EED: variants seen among roughly 807,000 people sequenced by gnomAD.
EED encodes embryonic ectoderm development.
EED carries 9 observed loss-of-function variants against 61.0 expected under a neutral mutation model. The observed-to-expected ratio is 0.15, with a 90% CI of 0.09 to 0.26. The LOEUF (loss-of-function observed/expected upper bound fraction) is 0.26, where lower values mean the gene tolerates loss of function less well. Among genes scored for constraint, EED ranks in the 10% least tolerant of loss-of-function variants. The pLI, the probability that EED is intolerant of heterozygous loss-of-function variation, is 1.00. For missense variants in EED, 315 were observed against 542.3 expected (o/e 0.58, Z 4.16); for synonymous variants, 187 against 174.4 (o/e 1.07, Z -0.57).
At chr11:86,251,284 C>T (rs942355176) in intron 2 of EED, among the ~76,000 whole-genome samples, 3 of 152,120 alleles carry the variant, frequency 2.0e-5, no homozygotes, top group African/African-American at 7.2e-5. Flanking sequence ...AAATTAATCT[C>T]AGCATATTTT....
downstream of EED, among the ~76,000 whole-genome samples, chr11:86,281,963 T>G (rs1946329169): frequency 6.6e-6 from 1 of 152,240 alleles, no homozygotes; most frequent in African/African-American, 2.4e-5. Flanking sequence ...AAGACAGGGT[T>G]GTTTTTCTTA....
At chr11:86,255,337 A>G (rs759894688) in intron 4 of EED, 50 bp downstream of exon 4, 2 of 1,430,252 alleles carry the variant, frequency 1.4e-6, no homozygotes, top group Admixed American at 3.8e-5. Flanking sequence ...ATTTATTTTC[A>G]ATAAGTGCAC....
chr11:86,268,293 T>C, intron 8 of EED, 163 bp from the exon 9 acceptor site: 1 of 488,608 alleles, frequency 2.0e-6, no homozygotes, highest in Non-Finnish European at 3.6e-6. Flanking sequence ...AATGAGACTT[T>C]AGCTTTCAAT....
chr11:86,281,127 G>A (rs1946318773), downstream of EED, among the ~76,000 whole-genome samples: 1 of 152,202 alleles, frequency 6.6e-6, no homozygotes, highest in South Asian at 2.1e-4. Flanking sequence ...GTTTCTGCTA[G>A]TGTCCTTGGT....
downstream of EED, among the ~76,000 whole-genome samples, chr11:86,282,635 G>C (rs1375200675): frequency 6.6e-6 from 1 of 152,086 alleles, no homozygotes; most frequent in Non-Finnish European, 1.5e-5. Flanking sequence ...ACATATGGTA[G>C]TACCCATTCC....
the EED span, chr11:86,284,382 AG>A: frequency 6.6e-6 from 1 of 152,286 alleles, no homozygotes; most frequent in Non-Finnish European, 1.5e-5. Context: ...ATAACCTGTG[AG>A]TTCTCCACAT....
In EED at chr11:86,244,813, G is replaced by C. The variant is rs1737212484; in HGVS notation, c.-417G>C. 1 of 239,092 alleles carries C rather than the reference G, an allele frequency of 4.2e-6. No homozygotes were observed. Among genetic ancestry groups the C allele is most frequent in the African/African-American group, 2.2e-5 (1 of 45,146 alleles). The allele number at this position is 239,092 out of a possible 1,614,324, so 14.8% of individuals were successfully genotyped here. A position where few individuals can be genotyped will look rare whatever the true frequency, so the allele number is the denominator to read the frequency against. ...AGATCGAAGGAACGGGCCAATTGCG[G>C]CTGAAACGTCTTTGGAAGGAGGAAG... On this transcript the variant is annotated 5_prime_UTR_variant, in exon 1 of 12. Coordinates refer to ENST00000263360, the MANE Select transcript of EED (RefSeq NM_003797.5).
At chr11:86,252,310 A>C in intron 3 of EED, 70 bp downstream of exon 3, 2 of 1,109,000 alleles carry the variant, frequency 1.8e-6, no homozygotes, top group Non-Finnish European at 2.6e-6. Flanking sequence ...ATATTGAAAT[A>C]GAATAATTTC....
downstream of EED, among the ~76,000 whole-genome samples, chr11:86,279,806 A>G (rs1276060222): frequency 6.6e-6 from 1 of 152,238 alleles, no homozygotes; most frequent in Admixed American, 6.5e-5. Context: ...AGGAAAACTT[A>G]CTGCCTTTTA....
At chr11:86,260,516 A>ACTGTACCTGGC (rs1565695703) in intron 6 of EED, among the ~76,000 whole-genome samples, 1 of 151,600 alleles carries the variant, frequency 6.6e-6, no homozygotes, top group East Asian at 1.9e-4. Flanking sequence ...GGTGTGAGCT[A>ACTGTACCTGGC]CTGCTGTACA....
At chr11:86,247,881 A>G (rs905022297) in intron 1 of EED, among the ~76,000 whole-genome samples, 2 of 152,248 alleles carry the variant, frequency 1.3e-5, no homozygotes, top group African/African-American at 4.8e-5. Flanking sequence ...TCAGAGAATT[A>G]CAGGCACATA....
At chr11:86,281,261 A>G (rs1946320001), downstream of EED, among the ~76,000 whole-genome samples, 1 of 152,212 alleles carries the variant, frequency 6.6e-6, no homozygotes, top group Non-Finnish European at 1.5e-5. Context: ...AGAAACAGAA[A>G]AGTGCCGTCT....
chr11:86,283,813 A>G (rs1391594811), downstream of EED: 3 of 151,876 alleles, frequency 2.0e-5, no homozygotes, highest in Non-Finnish European at 4.4e-5. Flanking sequence ...TATAGAGGAT[A>G]AAATGAAAAG....
In EED at chr11:86,255,268, A is replaced by G; in HGVS notation, c.407A>G (p.Gln136Arg). The G allele has an allele frequency of 6.2e-7, 1 of 1,610,210 alleles. No individual in the cohort carries two copies. Among genetic ancestry groups the G allele is most frequent in the Non-Finnish European group, 8.5e-7 (1 of 1,177,166 alleles). ...TCACAAGGAGAAATCCGGTTGTTGC[A>G]ATCTTACGTGGATGCTGATGTATCC... ...CHSQGEIRLL[Q>R]SYVDADADEN... Residue 136 changes from glutamine (Q) to arginine (R), a missense_variant, in exon 4 of 12, where the codon CAA becomes CGA. Transcript: ENST00000263360.
intron 6 of EED, among the ~76,000 whole-genome samples, chr11:86,259,467 A>G (rs1323963645): frequency 6.6e-6 from 1 of 152,018 alleles, no homozygotes; most frequent in East Asian, 1.9e-4. Flanking sequence ...ACGTGCCGCC[A>G]TACCTGGCTA....
chr11:86,263,839 C>T (rs888471163), intron 6 of EED: 15 of 190,890 alleles, frequency 7.9e-5, no homozygotes, highest in African/African-American at 3.5e-4. Flanking sequence ...AATTTATAGC[C>T]TCAGGCCCTT....
chr11:86,269,220 T>C (rs999468747), intron 9 of EED, among the ~76,000 whole-genome samples: 2 of 152,194 alleles, frequency 1.3e-5, no homozygotes, highest in African/African-American at 4.8e-5. Flanking sequence ...CAGGAAAAGA[T>C]CAAAATTCAA....
At chr11:86,245,503 T>A (rs974150524) in intron 1 of EED, among the ~76,000 whole-genome samples, 160 bp downstream of exon 1, 2 of 151,238 alleles carry the variant, frequency 1.3e-5, no homozygotes, top group African/African-American at 4.9e-5. Flanking sequence ...CCTACGGGGA[T>A]TTTGATGTGG....
At chr11:86,265,930 A>T in intron 7 of EED, 153 bp from the exon 8 acceptor site, 1 of 533,412 alleles carries the variant, frequency 1.9e-6, no homozygotes, top group Non-Finnish European at 3.2e-6. Context: ...GAAAGTAGTA[A>T]ACTCTGATTT....
Sources: allele counts gnomAD v4.1 joint callset (sites outside exome capture counted in the v4.1 genomes callset), GRCh38; gene constraint gnomAD v4.1.1; transcripts MANE v1.5; gene names NCBI Gene and HGNC (gene_info 2026-07-23, HGNC 2026-07-21).